Variants in GRM8 observed in about 807,000 individuals in gnomAD.
GRM8 encodes glutamate metabotropic receptor 8.
Under a neutral mutation model 87.2 loss-of-function variants are expected in GRM8, and 47 were observed. That is an observed-to-expected ratio of 0.54 (90% CI 0.43 to 0.69). The LOEUF (loss-of-function observed/expected upper bound fraction) is 0.69. GRM8 is among the 30% of genes least tolerant of loss of function. The pLI, the probability that GRM8 is intolerant of heterozygous loss-of-function variation, is 0.00. For synonymous variants in GRM8, 396 were observed against 404.5 expected (o/e 0.98, Z 0.25); for missense variants, 1,019 against 1,139.2 (o/e 0.89, Z 1.52).
intron 7 of GRM8, among the ~76,000 whole-genome samples, chr7:126,671,097 G>A (rs974531248): frequency 3.3e-5 from 5 of 152,198 alleles, no homozygotes; most frequent in African/African-American, 1.2e-4. Context: ...TTGACTTGCA[G>A]AGCCAATAAA....
intron 3 of GRM8, among the ~76,000 whole-genome samples, chr7:127,049,076 C>T (rs1349171375): frequency 2.0e-5 from 3 of 152,136 alleles, no homozygotes; most frequent in Non-Finnish European, 4.4e-5. Context: ...TTAAAAGACA[C>T]TTCATGACTG....
intron 2 of GRM8, among the ~76,000 whole-genome samples, chr7:127,218,258 A>G (rs888904837): frequency 6.6e-6 from 1 of 152,196 alleles, no homozygotes; most frequent in African/African-American, 2.4e-5. Context: ...TTGCCCCAAC[A>G]GTGTTGAATC....
chr7:126,644,910 A>T (rs1025614639), intron 7 of GRM8, among the ~76,000 whole-genome samples: 18 of 151,976 alleles, frequency 1.2e-4, no homozygotes, highest in African/African-American at 4.1e-4. Flanking sequence ...CATTCTCTAC[A>T]CTCTCCCCAG....
At chr7:126,679,861 C>A (rs1807356652) in intron 7 of GRM8, among the ~76,000 whole-genome samples, 1 of 152,072 alleles carries the variant, frequency 6.6e-6, no homozygotes, top group East Asian at 1.9e-4. Context: ...AAAACCCCAT[C>A]TCTACTAAAA....
chr7:126,743,971 G>T (rs1032730064), intron 7 of GRM8, among the ~76,000 whole-genome samples: 12 of 151,942 alleles, frequency 7.9e-5, no homozygotes, highest in Non-Finnish European at 1.5e-4. Context: ...GCAGACAGTG[G>T]TGCCGAACTA....
intron 3 of GRM8, among the ~76,000 whole-genome samples, chr7:127,039,385 G>A (rs1375902050): frequency 6.6e-6 from 1 of 152,080 alleles, no homozygotes; most frequent in East Asian, 1.9e-4. Flanking sequence ...AGAGAGGGAG[G>A]CCTCAGAAAA....
intron 7 of GRM8, among the ~76,000 whole-genome samples, chr7:126,714,185 G>C (rs1332910205): frequency 3.3e-5 from 5 of 151,062 alleles, no homozygotes; most frequent in Non-Finnish European, 7.4e-5. Flanking sequence ...GGCTGAGGCA[G>C]GGGGATTGCT....
At chr7:126,663,025 T>A (rs368267969) in intron 7 of GRM8, among the ~76,000 whole-genome samples, 11 of 152,240 alleles carry the variant, frequency 7.2e-5, no homozygotes, top group Admixed American at 2.6e-4. Flanking sequence ...CGACCACATG[T>A]CCTCATTTGT....
At chr7:126,775,746 C>T (rs1321359406) in intron 6 of GRM8, among the ~76,000 whole-genome samples, 1 of 151,932 alleles carries the variant, frequency 6.6e-6, no homozygotes, top group Non-Finnish European at 1.5e-5. Flanking sequence ...AGATCTGGAT[C>T]CAGGTCCCAG....
chr7:126,924,986 C>G (rs764598175), intron 3 of GRM8, among the ~76,000 whole-genome samples: 4 of 152,002 alleles, frequency 2.6e-5, no homozygotes, highest in South Asian at 2.1e-4. Flanking sequence ...GACACACACA[C>G]AGAGAAAGAA....
At chr7:126,535,070 A>G (rs1369868979) in intron 8 of GRM8, among the ~76,000 whole-genome samples, 1 of 152,186 alleles carries the variant, frequency 6.6e-6, no homozygotes, top group Non-Finnish European at 1.5e-5. Context: ...TTCAGAAAAA[A>G]AGAACAACTT....
intron 2 of GRM8, among the ~76,000 whole-genome samples, chr7:127,126,321 T>G (rs1827370051): frequency 6.6e-6 from 1 of 151,984 alleles, no homozygotes; most frequent in African/African-American, 2.4e-5. Flanking sequence ...AAGCATGTCT[T>G]TTGCAGCAAC....
intron 8 of GRM8, among the ~76,000 whole-genome samples, chr7:126,563,390 G>C (rs1793915147): frequency 1.3e-5 from 2 of 151,918 alleles, no homozygotes; most frequent in South Asian, 2.1e-4. Context: ...ATGTTGAGTA[G>C]GATTTTTCCT....
chr7:127,162,237 G>C (rs1405065032), intron 2 of GRM8, among the ~76,000 whole-genome samples: 1 of 152,222 alleles, frequency 6.6e-6, no homozygotes, highest in Non-Finnish European at 1.5e-5. Context: ...GGTGGGATCT[G>C]TGGTTTGGAA....
intron 2 of GRM8, among the ~76,000 whole-genome samples, chr7:127,145,977 CT>C: frequency 6.6e-6 from 1 of 151,912 alleles, no homozygotes; most frequent in Admixed American, 6.6e-5. Context: ...TTTTTGGTCT[CT>C]GGTGCAAAGT....
chr7:127,135,997 T>C (rs1028766638), intron 2 of GRM8, among the ~76,000 whole-genome samples: 1 of 152,200 alleles, frequency 6.6e-6, no homozygotes, highest in African/African-American at 2.4e-5. Flanking sequence ...TAATCTTAGA[T>C]TCTTCAATAC....
intron 8 of GRM8, among the ~76,000 whole-genome samples, chr7:126,567,628 T>C (rs1794343116): frequency 1.3e-5 from 2 of 152,172 alleles, no homozygotes; most frequent in Non-Finnish European, 2.9e-5. Flanking sequence ...TAATTGTGTA[T>C]GCTTTTAGTG....
chr7:126,887,178 T>C (rs1040601202), intron 6 of GRM8, among the ~76,000 whole-genome samples: 8 of 151,978 alleles, frequency 5.3e-5, no homozygotes, highest in African/African-American at 7.2e-5. Flanking sequence ...CAACTAGAGA[T>C]AGGTACATCA....
intron 9 of GRM8, among the ~76,000 whole-genome samples, chr7:126,447,630 A>C (rs549674255): frequency 2.7e-4 from 41 of 152,102 alleles, no homozygotes; most frequent in Admixed American, 9.2e-4. Flanking sequence ...CAAAACAAAA[A>C]AAACCATTCG....
Sources: gnomAD v4.1 joint callset for allele counts (sites outside exome capture counted in the v4.1 genomes callset) on GRCh38, gnomAD v4.1.1 for gene constraint, MANE v1.5 for transcripts, NCBI Gene and HGNC (gene_info 2026-07-23, HGNC 2026-07-21) for gene names.